Variants in SPATA33 observed in about 807,000 individuals in gnomAD.
SPATA33 encodes spermatogenesis-associated protein 33.
A neutral mutation model predicts 8.9 loss-of-function variants in SPATA33; 10 were observed. The observed-to-expected ratio is 1.12, with a 90% confidence interval of 0.69 to 1.90. The LOEUF (loss-of-function observed/expected upper bound fraction) is 1.90. Among genes scored for constraint, SPATA33 ranks in the 40% most tolerant of loss-of-function variants. SPATA33 has a pLI of 0.00. For missense variants in SPATA33, 241 were observed against 178.3 expected, an observed-to-expected ratio of 1.35 and a Z score of -2.00; for synonymous variants, 96 against 72.8, an observed-to-expected ratio of 1.32 and a Z score of -1.63.
At position 89,669,274 on chromosome 16, in the gene SPATA33, T is replaced by C. The variant is rs1259132578; in HGVS notation, c.212-12T>C. ...ACACATCTACTAAATGCCTGGATGTTTTTTCCTCTAGAGAAACCTGATGTA... is the reference window on the plus strand; with the variant it reads ...ACACATCTACTAAATGCCTGGATGTCTTTTCCTCTAGAGAAACCTGATGTA... On this transcript the variant is annotated splice_polypyrimidine_tract_variant and intron_variant, in intron 2 of 2. Transcript: ENST00000579310. The C allele has an allele frequency of 1.9e-6, 3 of 1,613,900 alleles. No individual in the cohort carries two copies. The highest frequency in any genetic ancestry group is 2.5e-6 in the Non-Finnish European group (3 of 1,179,824).
Position 89,657,838 on chromosome 16 carries a change from G to T in SPATA33, c.-74G>T. On this transcript the variant is annotated 5_prime_UTR_variant, in exon 1 of 3. Coordinates refer to ENST00000579310, the MANE Select transcript of SPATA33 (RefSeq NM_001271907.2). ...CGCCGCTGGCGCGAGGACCTTTTGT[G>T]AGTCGCTCCCGGCTCCGCGGCCGCG... 6.6e-7 allele frequency: 1 copy of T among 1,511,948 alleles called. No homozygotes were observed. The highest frequency in any genetic ancestry group is 8.8e-7 in the Non-Finnish European group (1 of 1,135,946). 93.7% of individuals were successfully genotyped at this position (1,511,948 alleles called of 1,614,324 possible).
intron 2 of SPATA33, among the ~76,000 whole-genome samples, chr16:89,664,071 A>T (rs13332439): frequency 0.38 from 58,072 of 152,060 alleles, 12,095 homozygotes; most frequent in African/African-American, 0.53. Flanking sequence ...GTGAGCCAAG[A>T]TCGTGCCACT....
intron 2 of SPATA33, chr16:89,660,978 C>T: frequency 1.0e-6 from 1 of 1,000,670 alleles, no homozygotes; most frequent in South Asian, 4.7e-5. Context: ...CAAGAGCTTC[C>T]CTGTACGTCT....
intron 2 of SPATA33, among the ~76,000 whole-genome samples, chr16:89,668,905 G>A (rs2060061182): frequency 6.6e-6 from 1 of 152,176 alleles, no homozygotes. Context: ...CTGTACAGAG[G>A]GCTTTAGCAG....
intron 2 of SPATA33, among the ~76,000 whole-genome samples, chr16:89,666,838 CAGAG>C (rs1488587756): frequency 2.0e-5 from 3 of 152,156 alleles, no homozygotes; most frequent in African/African-American, 4.8e-5. Flanking sequence ...AGAGAGGAGA[CAGAG>C]AGACAGCTTA....
rs750928089 is a variant in SPATA33 at position 89,658,263 on chromosome 16, A to C, written c.53A>C (p.Lys18Thr). Residue 18 changes from lysine to threonine, a missense_variant, in exon 2 of 3, where the codon AAG becomes ACG. Transcript: ENST00000579310. ...EKPRKGEEQKKGSTYSVPKSK... is the reference protein window; with the variant it reads ...EKPRKGEEQKTGSTYSVPKSK... ...TATATTTCAGGTGAGGAGCAAAAGAAGGGATCCACCTATTCAGTTCCAAAA... is the reference window on the plus strand; with the variant it reads ...TATATTTCAGGTGAGGAGCAAAAGACGGGATCCACCTATTCAGTTCCAAAA... 32 of 1,614,190 alleles carry C rather than the reference A, an allele frequency of 2.0e-5. No individual in the cohort carries two copies. The South Asian group carries it at 3.5e-4, about 18-fold the overall frequency.
At position 89,669,573 on chromosome 16, in the gene SPATA33, C is replaced by G; in HGVS notation, c.*76C>G. 6.8e-7 allele frequency: 1 copy of G among 1,463,372 alleles called. No homozygotes were observed. Among genetic ancestry groups the G allele is most frequent in the Non-Finnish European group, 9.4e-7 (1 of 1,066,952 alleles). 90.6% of individuals were successfully genotyped at this position (1,463,372 alleles called of 1,614,324 possible). On this transcript the variant is annotated 3_prime_UTR_variant, in exon 3 of 3. Transcript: ENST00000579310. ...AACAGCCGCCTCACCCTGTGAGAAG[C>G]CGAGGCCCCTTCTCCAGTGCTCTCG... is the stretch of plus-strand genomic sequence containing the variant.
In SPATA33 at chr16:89,657,923, C is replaced by T. The variant is rs988352468; in HGVS notation, c.12C>T (p.Ser4=). The change falls in exon 1 of 3, where the codon TCC becomes TCT. Residue 4 remains serine (S), a synonymous_variant. Transcript: ENST00000579310. ...CGGTGGGCTCACCCATGGGCCTTTC[C>T]AAAAGCAAAGAGAAACCCAGGAAAG... MGL[S]KSKEKPRKGE... is the part of the protein sequence containing the mutation. The T allele has an allele frequency of 2.0e-6, 3 of 1,518,790 alleles. No homozygotes were observed. The highest frequency in any genetic ancestry group is 1.8e-6 in the Non-Finnish European group (2 of 1,140,376). The allele number at this position is 1,518,790 out of a possible 1,614,324, so 94.1% of individuals were successfully genotyped here.
At chr16:89,658,495 G>GTA (rs1319029315) in intron 2 of SPATA33, 74 bp downstream of exon 2, 1 of 1,518,044 alleles carries the variant, frequency 6.6e-7, no homozygotes, top group Admixed American at 2.2e-5. Flanking sequence ...GGAGCCTACT[G>GTA]TAAGACCCTA....
At chr16:89,665,741 AAG>A (rs1342640276) in intron 2 of SPATA33, among the ~76,000 whole-genome samples, 7 of 152,210 alleles carry the variant, frequency 4.6e-5, no homozygotes, top group African/African-American at 1.4e-4. Context: ...CAAAACACAA[AAG>A]ATCTTTTGGG....
intron 2 of SPATA33, chr16:89,661,005 G>A: frequency 1.0e-6 from 1 of 992,470 alleles, no homozygotes; most frequent in Non-Finnish European, 1.2e-6. Context: ...GTCTTCACAT[G>A]CCTCCAACTG....
rs114072876 is a variant in SPATA33 at position 89,662,880 on chromosome 16, G to A, written c.211+4459G>A. The stretch of plus-strand genomic sequence containing the variant: ...ACAATCTTGGCTCATTGTGACTTCC[G>A]CCTCCCGGGTTCAAGCAATTCTTCT... On this transcript the variant is annotated intron_variant, in intron 2 of 2. Transcript: ENST00000579310. 3.1e-3 allele frequency among the ~76,000 whole-genome samples: 466 copies of A among 152,222 alleles called. 2 individuals carry two copies. The highest frequency in any genetic ancestry group is 0.011 in the African/African-American group (446 of 41,530).
chr16:89,658,215 T>A (rs764599786), intron 1 of SPATA33, 33 bp from the exon 2 acceptor site: 2 of 1,612,920 alleles, frequency 1.2e-6, no homozygotes, highest in South Asian at 1.1e-5. Flanking sequence ...ATTCGGTAAG[T>A]CCCGGGTCTA....
At chr16:89,660,636 G>A in intron 2 of SPATA33, 1 of 1,024,062 alleles carries the variant, frequency 9.8e-7, no homozygotes, top group Non-Finnish European at 1.3e-6. Flanking sequence ...CAAGCCAGAG[G>A]AAAGACCACT....
At chr16:89,663,265 A>C (rs1597804523) in intron 2 of SPATA33, among the ~76,000 whole-genome samples, 1 of 144,678 alleles carries the variant, frequency 6.9e-6, no homozygotes, top group African/African-American at 2.6e-5. Flanking sequence ...TTTAGGCTGG[A>C]GTGCAAATGG....
At chr16:89,660,401 C>A in intron 2 of SPATA33, 1 of 1,146,854 alleles carries the variant, frequency 8.7e-7, no homozygotes, top group Non-Finnish European at 1.1e-6. Flanking sequence ...GGAAGGAGGA[C>A]CGCCTGTTGG....
At chr16:89,664,093 C>G (rs1024003799) in intron 2 of SPATA33, among the ~76,000 whole-genome samples, 2 of 152,054 alleles carry the variant, frequency 1.3e-5, no homozygotes, top group Non-Finnish European at 2.9e-5. Context: ...CCCTCCAGCC[C>G]CGGCGACAGA....
In SPATA33 at chr16:89,658,166, C is replaced by G; in HGVS notation, c.38-82C>G. ...ACTTGAAGCCAGCTTATTCTGGACC[C>G]ACGCAGGCGACTGAAGACGATGGGA... On this transcript the variant is annotated intron_variant, in intron 1 of 2. Coordinates refer to ENST00000579310, the MANE Select transcript of SPATA33 (RefSeq NM_001271907.2). 3 of 1,584,758 alleles carry G rather than the reference C, an allele frequency of 1.9e-6. No homozygotes were observed. In the South Asian group the frequency reaches 3.4e-5, roughly 18 times the overall value.
chr16:89,658,062 C>G (rs769610233), intron 1 of SPATA33, 114 bp downstream of exon 1: 2 of 1,460,920 alleles, frequency 1.4e-6, no homozygotes, highest in Non-Finnish European at 1.8e-6. Flanking sequence ...CGGCCCGGTG[C>G]GAACCGTTCC....
Sources: allele counts gnomAD v4.1 joint callset (sites outside exome capture counted in the v4.1 genomes callset), GRCh38; gene constraint gnomAD v4.1.1; transcripts MANE v1.5; gene names NCBI Gene and HGNC (gene_info 2026-07-23, HGNC 2026-07-21).